Variants in TMC8 observed in about 807,000 individuals in gnomAD.
TMC8 encodes the protein transmembrane channel like 8, also known as transmembrane channel-like protein 8.
In TMC8, 71 loss-of-function variants were observed where a neutral mutation model predicts 76.0. The observed-to-expected ratio is 0.93, with a 90% CI of 0.77 to 1.14. TMC8 has a LOEUF of 1.14. Ranked by LOEUF, TMC8 falls within the 50% of genes most tolerant of loss-of-function variation. TMC8 has a pLI of 0.00. For missense variants in TMC8, 924 were observed against 947.9 expected (o/e 0.97, Z 0.33); for synonymous variants, 433 against 433.8 (o/e 1.00, Z 0.02).
intron 9 of TMC8, among the ~76,000 whole-genome samples, chr17:78,135,795 C>T (rs376153247): frequency 8.5e-5 from 13 of 152,186 alleles, no homozygotes; most frequent in Admixed American, 2.6e-4. Context: ...TGGTGGCTCA[C>T]GCCTGTAATC....
rs1162492009 is a variant in TMC8 at position 78,138,279 on chromosome 17, T to A, written c.1534-70T>A. 6 of 1,611,768 alleles carry A rather than the reference T, an allele frequency of 3.7e-6. No homozygotes were observed. In the East Asian group the frequency reaches 1.3e-4, roughly 36 times the overall value. The stretch of plus-strand genomic sequence containing the variant: ...CCTCCTGCTCCTGCTCCTGCCCCCT[T>A]CCCTGGGTGTCAGCCCCCTGGGGTC... On this transcript the variant is annotated intron_variant, in intron 12 of 15. Transcript: ENST00000318430.
intron 10 of TMC8, 42 bp from the exon 11 acceptor site, chr17:78,137,675 G>GTGGC: frequency 6.4e-7 from 1 of 1,556,534 alleles, no homozygotes; most frequent in Non-Finnish European, 8.9e-7. Context: ...AAGGGCCGGG[G>GTGGC]TGGCCGTGAG....
At position 78,138,569 on chromosome 17, in the gene TMC8, G is replaced by A. The variant is rs11651864; in HGVS notation, c.1665-5G>A. 6 of 1,613,624 alleles carry A rather than the reference G, an allele frequency of 3.7e-6. No individual in the cohort carries two copies. Among genetic ancestry groups the A allele is most frequent in the Middle Eastern group, 1.6e-4 (1 of 6,084 alleles). Reference sequence around the variant, plus strand: ...TGCCAGCCCCACTTGGCCATCTCTCGCCAGCATCCACTCCTCCTGGGACTG... The same window carrying A: ...TGCCAGCCCCACTTGGCCATCTCTCACCAGCATCCACTCCTCCTGGGACTG... On this transcript the variant is annotated splice_region_variant and splice_polypyrimidine_tract_variant and intron_variant, in intron 13 of 15. Transcript: ENST00000318430.
intron 15 of TMC8, among the ~76,000 whole-genome samples, chr17:78,140,382 A>G (rs1202838636): frequency 6.7e-6 from 1 of 150,224 alleles, no homozygotes; most frequent in Middle Eastern, 3.3e-3. Flanking sequence ...AATGGAGCTG[A>G]GGGAGGAACA....
intron 4 of TMC8, 130 bp downstream of exon 4, chr17:78,132,638 C>A: frequency 2.7e-6 from 4 of 1,491,376 alleles, no homozygotes; most frequent in South Asian, 2.3e-5. Context: ...GCTCTCTCTC[C>A]CTGACCTCGC....
At position 78,134,865 on chromosome 17, in the gene TMC8, C is replaced by T. The variant is rs756954531; in HGVS notation, c.988-5C>T. ...CGGGCTCCCCTGACCTGCCTTTTCC[C>T]GCAGGAGTCCCTGTTTCTGCTGCTC... On this transcript the variant is annotated splice_region_variant and splice_polypyrimidine_tract_variant and intron_variant, in intron 8 of 15. Transcript: ENST00000318430. 54 of 1,613,732 alleles carry T rather than the reference C, an allele frequency of 3.3e-5. No individual in the cohort carries two copies. Among genetic ancestry groups the T allele is most frequent in the Middle Eastern group, 3.3e-4 (2 of 6,070 alleles).
At chr17:78,133,631 A>G in intron 6 of TMC8, 89 bp downstream of exon 6, 1 of 1,590,870 alleles carries the variant, frequency 6.3e-7, no homozygotes, top group Non-Finnish European at 8.5e-7. Context: ...CATTGGCAGG[A>G]AGGCCCATGG....
In TMC8 at chr17:78,138,834, G is replaced by A. The variant is rs151041281; in HGVS notation, c.1823+102G>A. 3.7e-4 allele frequency: 586 copies of A among 1,568,280 alleles called. No individual in the cohort carries two copies. The African/African-American group carries it at 5.0e-3, about 13-fold the overall frequency. On this transcript the variant is annotated intron_variant, in intron 14 of 15. Coordinates refer to ENST00000318430, the MANE Select transcript of TMC8 (RefSeq NM_152468.5). ...GTGCACCCCCAACCAGGAGCCAGAC[G>A]CAGAAAGCCAAGGGAAGCAGGGGCC...
At chr17:78,133,652 C>A in intron 6 of TMC8, 110 bp downstream of exon 6, 1 of 1,572,262 alleles carries the variant, frequency 6.4e-7, no homozygotes, top group South Asian at 1.1e-5. Context: ...CCCGGCACAG[C>A]AGGCTCCTGG....
intron 7 of TMC8, 108 bp downstream of exon 7, chr17:78,134,108 T>C: frequency 1.3e-6 from 2 of 1,516,986 alleles, no homozygotes; most frequent in Non-Finnish European, 1.8e-6. Context: ...ACCGTGCCAG[T>C]GTGTGTGAGC....
chr17:78,138,725 A>C lies in TMC8; in HGVS notation c.1816A>C (p.Met606Leu). 1 of 1,608,054 alleles carries C rather than the reference A, an allele frequency of 6.2e-7. No homozygotes were observed. The highest frequency in any genetic ancestry group is 8.5e-7 in the Non-Finnish European group (1 of 1,179,918). ...SHAFSFPLLI[M>L]LSLVLTVCVS... ...CGCCTTCAGCTTCCCCCTCCTCATC[A>C]TGCTCAGGTTCTCAGGGCAGCCGGG... The change falls in exon 14 of 16, where the codon ATG (methionine) becomes CTG (leucine). Residue 606 changes from methionine to leucine, a missense_variant. Physicochemically the swap from Met to Leu is conservative, Grantham distance 15. Transcript: ENST00000318430.
chr17:78,140,660 CGTGGCCCTGGGAGGGT>C (rs1449403638), intron 15 of TMC8, among the ~76,000 whole-genome samples, 158 bp from the exon 16 acceptor site: 3 of 146,052 alleles, frequency 2.1e-5, no homozygotes, highest in Middle Eastern at 3.8e-3. Flanking sequence ...CCTGGTGGGG[CGTGGCCCTGGGAGGGT>C]GTGGCCTCGA....
At chr17:78,131,050 G>A (rs750663635) in intron 1 of TMC8, 199 bp downstream of exon 1, 7 of 186,382 alleles carry the variant, frequency 3.8e-5, no homozygotes, top group Non-Finnish European at 6.8e-5. Context: ...GGGGTCCCCC[G>A]ACATCCAGAG....
Position 78,139,235 on chromosome 17 carries a change from G to T in TMC8, c.1897G>T (p.Val633Leu). The T allele has an allele frequency of 6.2e-7, 1 of 1,613,502 alleles. No individual in the cohort carries two copies. Among genetic ancestry groups the T allele is most frequent in the Non-Finnish European group, 8.5e-7 (1 of 1,180,030 alleles). The change falls in exon 15 of 16, where the codon GTG (valine) becomes TTG (leucine). Residue 633 changes from valine (V) to leucine (L), a missense_variant. Transcript: ENST00000318430. Reference sequence around the variant, plus strand: ...CATCCACAGGCTCCGGAAGCAGCTGGTGTGGGTGAGTGTCCTCGGGGCTGG... The same window carrying T: ...CATCCACAGGCTCCGGAAGCAGCTGTTGTGGGTGAGTGTCCTCGGGGCTGG... Reference protein sequence around the residue: ...RAIHRLRKQLVWQVQEKWHLV... With the variant: ...RAIHRLRKQLLWQVQEKWHLV...
At chr17:78,139,806 G>A (rs372717040) in intron 15 of TMC8, among the ~76,000 whole-genome samples, 1 of 151,570 alleles carries the variant, frequency 6.6e-6, no homozygotes, top group African/African-American at 2.4e-5. Context: ...GCCGAGGTGA[G>A]TGGATTGCCT....
Position 78,131,472 on chromosome 17 carries a change from GC to G in TMC8, c.-112del. The G allele has an allele frequency of 7.0e-7, 1 of 1,427,958 alleles. No individual in the cohort carries two copies. Among genetic ancestry groups the G allele is most frequent in the Non-Finnish European group, 9.5e-7 (1 of 1,052,268 alleles). The allele number at this position is 1,427,958 out of a possible 1,614,324, so 88.5% of individuals were successfully genotyped here. On this transcript the variant is annotated 5_prime_UTR_variant, in exon 2 of 16. It removes the in-frame stop codon of an upstream open reading frame in the 5' UTR. Transcript: ENST00000318430. ...CGGCGCAGAGGGGACGGAAGGGCCC[GC>G]CCCCAGCCCAGCGTGCACAGAGGCC...
Position 78,141,179 on chromosome 17 carries a change from C to A in TMC8, c.*67C>A. On this transcript the variant is annotated 3_prime_UTR_variant, in exon 16 of 16. Coordinates refer to ENST00000318430, the MANE Select transcript of TMC8 (RefSeq NM_152468.5). Reference sequence around the variant, plus strand: ...AGGCCTCCTTACTCCATCTTCCAGACCCCTGGCGACCACCGCCCCTCTCAG... The same window carrying A: ...AGGCCTCCTTACTCCATCTTCCAGAACCCTGGCGACCACCGCCCCTCTCAG... 8.0e-7 allele frequency: 1 copy of A among 1,255,418 alleles called. No individual in the cohort carries two copies. The allele number at this position is 1,255,418 out of a possible 1,614,324, so 77.8% of individuals were successfully genotyped here.
chr17:78,135,104 C>G, intron 9 of TMC8, 95 bp downstream of exon 9: 1 of 1,529,830 alleles, frequency 6.5e-7, no homozygotes, highest in Non-Finnish European at 9.0e-7. Context: ...GGGTCCCCAG[C>G]TGAGAGGCTT....
intron 12 of TMC8, 23 bp downstream of exon 12, chr17:78,138,211 T>C: frequency 4.3e-6 from 7 of 1,612,500 alleles, no homozygotes; most frequent in Non-Finnish European, 5.9e-6. Context: ...GGCTGGGGGG[T>C]ATGGGGTTCG....
Sources: gnomAD v4.1 joint callset for allele counts (sites outside exome capture counted in the v4.1 genomes callset) on GRCh38, gnomAD v4.1.1 for gene constraint, MANE v1.5 for transcripts, NCBI Gene and HGNC (gene_info 2026-07-23, HGNC 2026-07-21) for gene names.